Variants in TCF7L2 observed in about 807,000 individuals in gnomAD.
TCF7L2 encodes the protein transcription factor 7-like 2.
TCF7L2 carries 23 observed loss-of-function variants against 77.9 expected under a neutral mutation model. That is an observed-to-expected ratio of 0.30 (90% CI 0.21 to 0.42). The LOEUF is 0.42. Ranked by LOEUF, TCF7L2 falls within the 10% of genes least tolerant of loss-of-function variation. The pLI is 1.00. For missense variants in TCF7L2, 654 were observed against 793.1 expected (o/e 0.82, Z 2.11); for synonymous variants, 413 against 340.2 (o/e 1.21, Z -2.36).
intron 5 of TCF7L2, among the ~76,000 whole-genome samples, chr10:113,044,862 G>A (rs1342380451): frequency 1.3e-5 from 2 of 152,146 alleles, no homozygotes; most frequent in Non-Finnish European, 2.9e-5. Context: ...GTGACTTGGG[G>A]TGCAGCATAT....
In TCF7L2 at chr10:113,151,186, TGCTGGGTGG is replaced by T; in HGVS notation, c.1001+64_1001+72del. 1 of 1,606,750 alleles carries T rather than the reference TGCTGGGTGG, an allele frequency of 6.2e-7. No individual in the cohort carries two copies. ...CAGTGTTCTGCAAGCCTGTTGCAGC[TGCTGGGTGG>T]TGGCTTTCTGCCTAAGGTTGGCCTC... is the stretch of plus-strand genomic sequence containing the variant. On this transcript the variant is annotated intron_variant, in intron 9 of 13. Coordinates refer to ENST00000627217, the MANE Select transcript of TCF7L2 (RefSeq NM_001146274.2). The surrounding 1 kb of genome is among the most constrained non-coding windows in gnomAD (Gnocchi z 5.2).
intron 5 of TCF7L2, among the ~76,000 whole-genome samples, chr10:113,123,709 A>C (rs1241215152): frequency 6.6e-6 from 1 of 152,182 alleles, no homozygotes; most frequent in Non-Finnish European, 1.5e-5. Context: ...ATAATTTGAC[A>C]CAAGTCCATT....
At chr10:113,027,643 A>T (rs1001853395) in intron 4 of TCF7L2, among the ~76,000 whole-genome samples, 1 of 152,172 alleles carries the variant, frequency 6.6e-6, no homozygotes, top group Non-Finnish European at 1.5e-5. Flanking sequence ...AAATGAGGTT[A>T]TTGTGCTCGA....
At chr10:112,968,398 AAT>A (rs1334820685) in intron 4 of TCF7L2, among the ~76,000 whole-genome samples, 11 of 152,180 alleles carry the variant, frequency 7.2e-5, no homozygotes, top group Non-Finnish European at 1.0e-4. Flanking sequence ...ATGAATAGTA[AAT>A]ATGTTTTCTT....
At chr10:113,097,861 G>A (rs898699031) in intron 5 of TCF7L2, among the ~76,000 whole-genome samples, 2 of 151,338 alleles carry the variant, frequency 1.3e-5, no homozygotes, top group African/African-American at 4.9e-5. Context: ...AGACCAGCCT[G>A]GCCAACATGG....
intron 4 of TCF7L2, among the ~76,000 whole-genome samples, chr10:112,988,849 C>G (rs1477404952): frequency 6.6e-6 from 1 of 152,180 alleles, no homozygotes; most frequent in Non-Finnish European, 1.5e-5. Flanking sequence ...GCCAGTTTCT[C>G]TATATATGGA....
intron 5 of TCF7L2, among the ~76,000 whole-genome samples, chr10:113,053,966 T>C (rs1306736459): frequency 6.6e-6 from 1 of 152,158 alleles, no homozygotes; most frequent in Non-Finnish European, 1.5e-5. Flanking sequence ...CACCCTTCAG[T>C]GTTATGCTGC....
chr10:113,121,761 G>A (rs145285760), intron 5 of TCF7L2, among the ~76,000 whole-genome samples: 6 of 143,674 alleles, frequency 4.2e-5, no homozygotes, highest in African/African-American at 8.1e-5. Context: ...ACACGTGCAC[G>A]CACACATACA....
At chr10:113,085,749 T>C (rs2059772099) in intron 5 of TCF7L2, among the ~76,000 whole-genome samples, 1 of 152,204 alleles carries the variant, frequency 6.6e-6, no homozygotes, top group Admixed American at 6.5e-5. Context: ...TCAGTCTACC[T>C]TCTCTCTTGA....
chr10:112,954,466 T>C lies in TCF7L2; in HGVS notation c.381+2859T>C, dbSNP rs994093963. On this transcript the variant is annotated intron_variant, in intron 3 of 13. Coordinates refer to ENST00000627217, the MANE Select transcript of TCF7L2 (RefSeq NM_001146274.2). ...TTGCTGAAGACACCATAAAGCTTGA[T>C]AGTAATAATTTTATTTTAAAATGAC... Among the ~76,000 whole-genome samples the C allele has an allele frequency of 2.6e-5, 4 of 152,224 alleles. No homozygotes were observed. The East Asian group carries it at 7.7e-4, about 29-fold the overall frequency.
At chr10:113,163,243 G>C (rs1250914041) in intron 13 of TCF7L2, among the ~76,000 whole-genome samples, 1 of 152,056 alleles carries the variant, frequency 6.6e-6, no homozygotes, top group Non-Finnish European at 1.5e-5. Context: ...AATGCTCCTA[G>C]CCAATCAGGG....
At chr10:113,044,784 A>G (rs544934535) in intron 5 of TCF7L2, among the ~76,000 whole-genome samples, 1 of 152,284 alleles carries the variant, frequency 6.6e-6, no homozygotes, top group South Asian at 2.1e-4. Flanking sequence ...CTCAAGGGAA[A>G]AGTGCTTGGC....
At chr10:113,036,270 C>G (rs893247379) in intron 4 of TCF7L2, among the ~76,000 whole-genome samples, 20 of 152,004 alleles carry the variant, frequency 1.3e-4, no homozygotes, top group Non-Finnish European at 1.6e-4. Context: ...AACATTCTTG[C>G]TGCTGATGGA....
At chr10:112,951,339 CCCG>C in intron 2 of TCF7L2, 66 bp downstream of exon 2, 3 of 982,488 alleles carry the variant, frequency 3.1e-6, no homozygotes, top group Non-Finnish European at 2.4e-6. Flanking sequence ...CCCCGCGCGC[CCCG>C]GCCCCGCGCC....
intron 5 of TCF7L2, among the ~76,000 whole-genome samples, chr10:113,073,921 G>T (rs1032032895): frequency 6.6e-6 from 1 of 152,170 alleles, no homozygotes; most frequent in Non-Finnish European, 1.5e-5. Context: ...ATGATGATAC[G>T]TTATAGCATT....
chr10:112,990,576 GCATGCCTGTAGT>G (rs2042350924), intron 4 of TCF7L2, among the ~76,000 whole-genome samples: 2 of 151,884 alleles, frequency 1.3e-5, no homozygotes, highest in South Asian at 4.2e-4. Flanking sequence ...GCATGGTGGT[GCATGCCTGTAGT>G]CCCAGCTACT....
chr10:112,967,996 T>G (rs1476807320), intron 4 of TCF7L2, among the ~76,000 whole-genome samples: 1 of 152,228 alleles, frequency 6.6e-6, no homozygotes, highest in South Asian at 2.1e-4. Context: ...TTTAAAATGT[T>G]TTATTGAAGT....
rs372840657 is a variant in TCF7L2 at position 113,070,187 on chromosome 10, C to T, written c.552+30061C>T. 1.5e-3 allele frequency among the ~76,000 whole-genome samples: 226 copies of T among 149,992 alleles called. 4 individuals are homozygous for T. The South Asian group carries it at 0.027, about 18-fold the overall frequency. On this transcript the variant is annotated intron_variant, in intron 5 of 13. Transcript: ENST00000627217. The stretch of plus-strand genomic sequence containing the variant: ...AGGAGAATCCCTTGAACCAGTGAGT[C>T]GGAGGTTGCAGTGAGCCGAGATGGT...
chr10:113,135,315 C>T (rs1376431864), intron 5 of TCF7L2, among the ~76,000 whole-genome samples: 2 of 152,016 alleles, frequency 1.3e-5, no homozygotes, highest in East Asian at 1.9e-4. Flanking sequence ...CCACTGTAGT[C>T]GATGAATACG....
Sources: allele counts gnomAD v4.1 joint callset (sites outside exome capture counted in the v4.1 genomes callset), GRCh38; gene constraint gnomAD v4.1.1; non-coding constraint Gnocchi (gnomAD v3.1); transcripts MANE v1.5; gene names NCBI Gene and HGNC (gene_info 2026-07-23, HGNC 2026-07-21).